SIPA1L2: variants seen among roughly 807,000 people sequenced by gnomAD.
SIPA1L2 encodes the protein signal induced proliferation associated 1 like 2, also known as signal-induced proliferation-associated 1-like protein 2.
SIPA1L2 carries 56 observed loss-of-function variants against 163.9 expected under a neutral mutation model. The ratio of observed to expected loss-of-function variants is 0.34; its 90% CI spans 0.28 to 0.43. SIPA1L2 has a LOEUF of 0.43. SIPA1L2 is among the 20% of genes least tolerant of loss of function. The pLI is 1.00. For missense variants in SIPA1L2, 1,974 were observed against 2,193.5 expected (o/e 0.90, Z 2.00); for synonymous variants, 877 against 865.7 (o/e 1.01, Z -0.23).
intron 2 of SIPA1L2, among the ~76,000 whole-genome samples, chr1:232,549,759 A>G (rs1658267389): frequency 1.3e-5 from 2 of 152,282 alleles, no homozygotes; most frequent in South Asian, 4.2e-4. Context: ...TCCAACTTAC[A>G]TTTCAAGTTT....
At position 232,432,257 on chromosome 1, in the gene SIPA1L2, C is replaced by G. The variant is rs771882381; in HGVS notation, c.4246G>C (p.Glu1416Gln). ...AGCCAGCCACCTTACCCGGGACATT[C>G]AGTCACTTCAGGCTCCTCGGGCGGT... ...SPPPEEPEVT[E>Q]CPGMYSEMDV... is the part of the protein sequence containing the mutation. Residue 1416 changes from glutamate to glutamine, a missense_variant, in exon 16 of 23, where the codon GAA becomes CAA. Physicochemically the swap from Glu to Gln is conservative, Grantham distance 29. Around this residue, in one of 3 missense-constraint regions of SIPA1L2, gnomAD observed 1,079 missense variants for 1,150.7 expected, o/e 0.94. Coordinates refer to ENST00000674635, the MANE Select transcript of SIPA1L2 (RefSeq NM_020808.5). The G allele has an allele frequency of 1.2e-6, 2 of 1,613,716 alleles. No homozygotes were observed. The highest frequency in any genetic ancestry group is 1.7e-6 in the Non-Finnish European group (2 of 1,179,956).
intron 8 of SIPA1L2, among the ~76,000 whole-genome samples, chr1:232,469,574 C>T (rs1322445769): frequency 2.0e-5 from 3 of 152,070 alleles, no homozygotes; most frequent in Admixed American, 1.3e-4. Flanking sequence ...ATGTTAGGCA[C>T]TTGAACTGAT....
intron 9 of SIPA1L2, 79 bp from the exon 10 acceptor site, chr1:232,461,240 C>T: frequency 6.5e-7 from 1 of 1,544,552 alleles, no homozygotes; most frequent in African/African-American, 1.4e-5. Flanking sequence ...CACGTATGGG[C>T]CTCCATGCCA....
chr1:232,419,325 T>C lies in SIPA1L2; in HGVS notation c.4631-3700A>G, dbSNP rs560892825. Among the ~76,000 whole-genome samples, 28 of 152,350 alleles carry C rather than the reference T, an allele frequency of 1.8e-4. No individual in the cohort carries two copies. The East Asian group carries it at 5.4e-3, about 29-fold the overall frequency. ...AACATGAAAAACACATACATTTTCT[T>C]TTCCATTGATTAGAATATCATGTAA... On this transcript the variant is annotated intron_variant, in intron 18 of 22. Coordinates refer to ENST00000674635, the MANE Select transcript of SIPA1L2 (RefSeq NM_020808.5).
chr1:232,593,753 T>A (rs10910563), intron 1 of SIPA1L2, among the ~76,000 whole-genome samples: 24,765 of 152,088 alleles, frequency 0.16, 2,160 homozygotes, highest in Middle Eastern at 0.25. Flanking sequence ...AAATAAAAAT[T>A]AAAACATCCC....
chr1:232,426,513 A>T (rs1661912833), intron 17 of SIPA1L2, among the ~76,000 whole-genome samples: 1 of 152,196 alleles, frequency 6.6e-6, no homozygotes, highest in African/African-American at 2.4e-5. Context: ...ACAAAAAATT[A>T]GCTGGGCATG....
chr1:232,547,333 G>A (rs1658086889), intron 2 of SIPA1L2, among the ~76,000 whole-genome samples: 1 of 151,846 alleles, frequency 6.6e-6, no homozygotes, highest in Non-Finnish European at 1.5e-5. Context: ...TCATGTCTGA[G>A]TGACCCTGGG....
In SIPA1L2 at chr1:232,572,746, T is replaced by TACAC. The variant is rs1268436658; in HGVS notation, c.-270+1427_-270+1428insGTGT. Among the ~76,000 whole-genome samples the TACAC allele has an allele frequency of 4.4e-5, 4 of 90,420 alleles. No individual in the cohort carries two copies. In the East Asian group the frequency reaches 1.1e-3, roughly 24 times the overall value. 59.3% of individuals were successfully genotyped at this position (90,420 alleles called of 152,430 possible). A position where few individuals can be genotyped will look rare whatever the true frequency, so the allele number is the denominator to read the frequency against. ...ACATATATACATACATACATATATA[T>TACAC]ATATATATATATATATATATATATA... On this transcript the variant is annotated intron_variant, in intron 2 of 22. Coordinates refer to ENST00000674635, the MANE Select transcript of SIPA1L2 (RefSeq NM_020808.5).
chr1:232,554,921 T>C (rs149762581), intron 2 of SIPA1L2, among the ~76,000 whole-genome samples: 3 of 152,358 alleles, frequency 2.0e-5, no homozygotes, highest in Non-Finnish European at 4.4e-5. Context: ...ATTAGCAAAA[T>C]TAAATGTCCC....
intron 1 of SIPA1L2, among the ~76,000 whole-genome samples, chr1:232,627,749 A>G (rs905709218): frequency 6.6e-6 from 1 of 152,202 alleles, no homozygotes; most frequent in Non-Finnish European, 1.5e-5. Context: ...GCCCATACTA[A>G]AAGCCAGAAG....
At chr1:232,628,923 G>GT (rs201518538) in intron 1 of SIPA1L2, among the ~76,000 whole-genome samples, 327 of 148,594 alleles carry the variant, frequency 2.2e-3, no homozygotes, top group South Asian at 0.01. Flanking sequence ...TTTTTTCCTT[G>GT]TTTTTTTTAA....
At chr1:232,564,582 A>G (rs768309101) in intron 2 of SIPA1L2, among the ~76,000 whole-genome samples, 6 of 152,136 alleles carry the variant, frequency 3.9e-5, no homozygotes, top group Non-Finnish European at 8.8e-5. Flanking sequence ...AGAAACCATC[A>G]GATGAGATCA....
chr1:232,411,101 C>A (rs1660929984), intron 19 of SIPA1L2, among the ~76,000 whole-genome samples: 1 of 152,226 alleles, frequency 6.6e-6, no homozygotes, highest in Non-Finnish European at 1.5e-5. Flanking sequence ...GGAGGGTGTT[C>A]TGAGCTTGCA....
intron 12 of SIPA1L2, among the ~76,000 whole-genome samples, chr1:232,442,947 G>C (rs1662991931): frequency 6.6e-6 from 1 of 152,230 alleles, no homozygotes; most frequent in South Asian, 2.1e-4. Flanking sequence ...GCTCCTCAGA[G>C]TGGAGTCCTT....
chr1:232,564,923 G>C (rs1659311035), intron 2 of SIPA1L2, among the ~76,000 whole-genome samples: 3 of 152,142 alleles, frequency 2.0e-5, no homozygotes, highest in South Asian at 2.1e-4. Context: ...AGAGGAGGGA[G>C]AGCATCAGGA....
intron 8 of SIPA1L2, among the ~76,000 whole-genome samples, chr1:232,467,462 AT>A: frequency 6.6e-6 from 1 of 152,218 alleles, no homozygotes; most frequent in Middle Eastern, 3.4e-3. Flanking sequence ...CTGGGAATTA[AT>A]TTATCCCCCA....
At chr1:232,423,924 GA>G (rs1403528731) in intron 18 of SIPA1L2, among the ~76,000 whole-genome samples, 1 of 152,162 alleles carries the variant, frequency 6.6e-6, no homozygotes, top group Non-Finnish European at 1.5e-5. Flanking sequence ...CGACATTCTA[GA>G]AAAGGCAAAA....
chr1:232,464,246 C>T (rs1308636005), intron 9 of SIPA1L2, among the ~76,000 whole-genome samples: 3 of 152,056 alleles, frequency 2.0e-5, no homozygotes, highest in African/African-American at 4.8e-5. Context: ...TACTGAACAC[C>T]ATGGATAAAA....
At chr1:232,447,178 G>T (rs879790082) in intron 10 of SIPA1L2, among the ~76,000 whole-genome samples, 22 of 152,152 alleles carry the variant, frequency 1.4e-4, no homozygotes, top group Non-Finnish European at 2.8e-4. Context: ...ATGTTGAGAT[G>T]ATAGTATTTT....
Sources: gnomAD v4.1 joint callset for allele counts (sites outside exome capture counted in the v4.1 genomes callset) on GRCh38, gnomAD v4.1.1 for gene constraint, gnomAD v4.1.1 regional missense constraint, MANE v1.5 for transcripts, NCBI Gene and HGNC (gene_info 2026-07-23, HGNC 2026-07-21) for gene names.